CTNNA2: variants seen among roughly 807,000 people sequenced by gnomAD.
CTNNA2 encodes catenin alpha 2.
In CTNNA2, 42 loss-of-function variants were observed where a neutral mutation model predicts 101.0. That is an observed-to-expected ratio of 0.42 (90% CI 0.32 to 0.54). CTNNA2 has a LOEUF of 0.54. Ranked by LOEUF, CTNNA2 falls within the 20% of genes least tolerant of loss-of-function variation. CTNNA2 has a pLI of 0.14. For missense variants in CTNNA2, 871 were observed against 1,223.1 expected, an observed-to-expected ratio of 0.71 and a Z score of 4.29; for synonymous variants, 450 against 456.4, an observed-to-expected ratio of 0.99 and a Z score of 0.18.
intron 1 of CTNNA2, among the ~76,000 whole-genome samples, chr2:79,622,150 CT>C (rs1209233024): frequency 6.6e-6 from 1 of 152,164 alleles, no homozygotes; most frequent in Non-Finnish European, 1.5e-5. Context: ...ATGGCAAAGT[CT>C]TTTTCAATCA....
chr2:80,404,809 T>C (rs1209339339), intron 8 of CTNNA2, among the ~76,000 whole-genome samples: 1 of 152,162 alleles, frequency 6.6e-6, no homozygotes, highest in African/African-American at 2.4e-5. Context: ...GGTACAATTA[T>C]TGGGTAATTT....
At chr2:80,240,504 C>T (rs72928748) in intron 7 of CTNNA2, among the ~76,000 whole-genome samples, 15,283 of 152,126 alleles carry the variant, frequency 0.1, 1,674 homozygotes, top group African/African-American at 0.27. Flanking sequence ...AATTATCTCT[C>T]GAGTATAGCC....
At chr2:80,093,349 G>A (rs1402135142) in intron 7 of CTNNA2, among the ~76,000 whole-genome samples, 1 of 152,068 alleles carries the variant, frequency 6.6e-6, no homozygotes, top group African/African-American at 2.4e-5. Flanking sequence ...ATTTTTTATG[G>A]CTGCATAGTA....
chr2:79,196,248 T>C (rs1673959505), intron 1 of CTNNA2, among the ~76,000 whole-genome samples: 1 of 152,286 alleles, frequency 6.6e-6, no homozygotes, highest in South Asian at 2.1e-4. Flanking sequence ...CAGTTTTAAG[T>C]ATCTAGAGTT....
intron 9 of CTNNA2, among the ~76,000 whole-genome samples, chr2:80,498,644 A>G (rs1687647312): frequency 6.6e-6 from 1 of 152,240 alleles, no homozygotes; most frequent in African/African-American, 2.4e-5. Flanking sequence ...TATCTTGCTC[A>G]GATAAACGGG....
chr2:79,869,722 T>G, intron 4 of CTNNA2, 94 bp from the exon 5 acceptor site: 1 of 1,495,848 alleles, frequency 6.7e-7, no homozygotes, highest in South Asian at 1.3e-5. Flanking sequence ...CATACTAGTG[T>G]TTTAGAGTTT....
chr2:80,134,988 A>G (rs1464479471), intron 7 of CTNNA2, among the ~76,000 whole-genome samples: 2 of 152,026 alleles, frequency 1.3e-5, no homozygotes. Flanking sequence ...TTTTTTTTAG[A>G]TAGATGCCAG....
At chr2:79,667,240 G>C (rs1460696544) in intron 2 of CTNNA2, among the ~76,000 whole-genome samples, 1 of 152,234 alleles carries the variant, frequency 6.6e-6, no homozygotes, top group Non-Finnish European at 1.5e-5. Flanking sequence ...TCATGTTTGA[G>C]AGTAGTCCCT....
intron 2 of CTNNA2, among the ~76,000 whole-genome samples, chr2:79,730,526 C>T (rs6547267): frequency 0.37 from 56,333 of 151,664 alleles, 12,129 homozygotes; most frequent in African/African-American, 0.6. Flanking sequence ...TAATTTTCTT[C>T]ATAGGAGACT....
At chr2:80,442,540 C>T (rs1465284436) in intron 9 of CTNNA2, among the ~76,000 whole-genome samples, 4 of 152,198 alleles carry the variant, frequency 2.6e-5, no homozygotes, top group African/African-American at 7.2e-5. Context: ...ACACGCACCA[C>T]TTCTGTTTCC....
At chr2:80,524,755 T>G (rs1451507787) in intron 9 of CTNNA2, among the ~76,000 whole-genome samples, 1 of 152,190 alleles carries the variant, frequency 6.6e-6, no homozygotes, top group Non-Finnish European at 1.5e-5. Context: ...AAGCTTTTCC[T>G]AAACAACTGC....
intron 3 of CTNNA2, among the ~76,000 whole-genome samples, chr2:79,814,860 C>T (rs114472550): frequency 0.22 from 34,011 of 152,036 alleles, 3,939 homozygotes; most frequent in East Asian, 0.32. Flanking sequence ...CACTGTTTTA[C>T]ATAGTGACTG....
intron 7 of CTNNA2, among the ~76,000 whole-genome samples, chr2:80,060,309 G>A (rs1163084786): frequency 6.6e-6 from 1 of 152,156 alleles, no homozygotes; most frequent in African/African-American, 2.4e-5. Flanking sequence ...ATGGCTAAAG[G>A]CGGACACAGC....
intron 6 of CTNNA2, among the ~76,000 whole-genome samples, chr2:79,883,869 C>T (rs1277195860): frequency 6.6e-6 from 1 of 152,042 alleles, no homozygotes; most frequent in East Asian, 1.9e-4. Flanking sequence ...ATTGTCATTA[C>T]ATTAGAAAGG....
intron 1 of CTNNA2, among the ~76,000 whole-genome samples, chr2:79,517,801 C>A (rs1671885225): frequency 6.6e-6 from 1 of 152,166 alleles, no homozygotes; most frequent in African/African-American, 2.4e-5. Context: ...CCTTAATTTT[C>A]TAGGGCTTTA....
intron 7 of CTNNA2, among the ~76,000 whole-genome samples, chr2:80,131,906 C>A (rs934998684): frequency 3.9e-5 from 6 of 151,994 alleles, no homozygotes; most frequent in African/African-American, 1.4e-4. Flanking sequence ...CATGGTGAAA[C>A]CCCATCTCTA....
rs866452848 is a variant in CTNNA2 at position 80,595,362 on chromosome 2, C to T, written c.2189+5877C>T. On this transcript the variant is annotated intron_variant, in intron 15 of 18. Transcript: ENST00000402739. ...AATTCAATTATTAGTTTTACCAGGACTTTTTTTAAAGAATCTTAAGCATTT... is the reference window on the plus strand; with the variant it reads ...AATTCAATTATTAGTTTTACCAGGATTTTTTTTAAAGAATCTTAAGCATTT... Among the ~76,000 whole-genome samples, 21 of 152,128 alleles carry T rather than the reference C, an allele frequency of 1.4e-4. 1 individual carries two copies. Among genetic ancestry groups the T allele is most frequent in the Middle Eastern group, 3.4e-3 (1 of 294 alleles).
intron 15 of CTNNA2, chr2:80,603,719 GAGT>G (rs1471404312): frequency 5.7e-6 from 1 of 176,664 alleles, no homozygotes; most frequent in Non-Finnish European, 1.2e-5. Flanking sequence ...CTACTTTGTA[GAGT>G]TGTTATAAAG....
intron 4 of CTNNA2, among the ~76,000 whole-genome samples, chr2:79,427,950 A>G (rs997275073): frequency 6.6e-6 from 1 of 152,056 alleles, no homozygotes; most frequent in Non-Finnish European, 1.5e-5. Context: ...ACAGAATAGG[A>G]CAGTTCTACA....
Sources: allele counts gnomAD v4.1 joint callset (sites outside exome capture counted in the v4.1 genomes callset), GRCh38; gene constraint gnomAD v4.1.1; transcripts MANE v1.5; gene names NCBI Gene and HGNC (gene_info 2026-07-23, HGNC 2026-07-21).